Variants in KLHL1 observed in about 807,000 individuals in gnomAD.
The protein encoded by KLHL1 is kelch like family member 1, also known as kelch-like protein 1.
In KLHL1, 47 loss-of-function variants were observed where a neutral mutation model predicts 77.7. The ratio of observed to expected loss-of-function variants is 0.60; its 90% CI spans 0.48 to 0.77. The LOEUF (loss-of-function observed/expected upper bound fraction) is 0.77, where lower values mean the gene tolerates loss of function less well. Among genes scored for constraint, KLHL1 ranks in the 30% least tolerant of loss-of-function variants. The pLI, the probability that KLHL1 is intolerant of heterozygous loss-of-function variation, is 0.00. For missense variants in KLHL1, 925 were observed against 910.8 expected, an observed-to-expected ratio of 1.02 and a Z score of -0.20; for synonymous variants, 360 against 325.2, an observed-to-expected ratio of 1.11 and a Z score of -1.15.
chr13:69,739,602 G>T (rs1048907512), intron 8 of KLHL1, among the ~76,000 whole-genome samples: 1 of 152,170 alleles, frequency 6.6e-6, no homozygotes, highest in South Asian at 2.1e-4. Flanking sequence ...TGCAATCCTA[G>T]TTTCTGACAA....
At chr13:69,916,690 T>C (rs1192085452) in intron 4 of KLHL1, among the ~76,000 whole-genome samples, 1 of 151,916 alleles carries the variant, frequency 6.6e-6, no homozygotes. Flanking sequence ...TGTATACGTA[T>C]GTAACAAACC....
At chr13:69,865,423 CAT>C (rs1463753448) in intron 5 of KLHL1, among the ~76,000 whole-genome samples, 2 of 152,114 alleles carry the variant, frequency 1.3e-5, no homozygotes, top group Non-Finnish European at 2.9e-5. Context: ...CTAAGAATAA[CAT>C]ATATGATTCT....
intron 5 of KLHL1, among the ~76,000 whole-genome samples, chr13:69,841,998 G>A (rs12857338): frequency 0.13 from 19,701 of 151,814 alleles, 1,456 homozygotes; most frequent in African/African-American, 0.17. Flanking sequence ...GCAGAAGAAT[G>A]AAACTAGACT....
At chr13:69,983,576 C>CAAAAAAAAAAAAAAAAAAAAAAAA (rs1282357751) in intron 1 of KLHL1, among the ~76,000 whole-genome samples, 2 of 40,778 alleles carry the variant, frequency 4.9e-5, no homozygotes, top group African/African-American at 2.3e-4. Flanking sequence ...CCTATCTTTA[C>CAAAAAAAAAAAAAAAAAAAAAAAA]AAAAAAAAAA....
rs188156926 is a variant in KLHL1 at position 69,832,982 on chromosome 13, G to A, written c.1414+5994C>T. On this transcript the variant is annotated intron_variant, in intron 6 of 10. Transcript: ENST00000377844. ...TGAATCAAAGACTTAAATCTAAGACGTAAAGTCACTAAAAATGTAGAAGAT... is the reference window on the plus strand; with the variant it reads ...TGAATCAAAGACTTAAATCTAAGACATAAAGTCACTAAAAATGTAGAAGAT... Among the ~76,000 whole-genome samples, 194 of 152,136 alleles carry A rather than the reference G, an allele frequency of 1.3e-3. 1 individual carries two copies. Among genetic ancestry groups the A allele is most frequent in the East Asian group, 6.0e-3 (31 of 5,174 alleles).
At chr13:69,992,518 G>A (rs1236891912) in intron 1 of KLHL1, among the ~76,000 whole-genome samples, 1 of 152,006 alleles carries the variant, frequency 6.6e-6, no homozygotes, top group Non-Finnish European at 1.5e-5. Flanking sequence ...TAAGCGGATG[G>A]TTGATGTTAC....
intron 7 of KLHL1, among the ~76,000 whole-genome samples, chr13:69,779,025 C>T (rs1011990748): frequency 1.4e-4 from 21 of 151,986 alleles, no homozygotes; most frequent in African/African-American, 3.9e-4. Flanking sequence ...GTCTCCATCT[C>T]CTGACCTCAT....
chr13:70,090,598 C>T (rs949904931), intron 1 of KLHL1, among the ~76,000 whole-genome samples: 22 of 151,960 alleles, frequency 1.4e-4, no homozygotes, highest in African/African-American at 5.1e-4. Flanking sequence ...ATCCTTTTCT[C>T]ACGATGATAT....
intron 1 of KLHL1, among the ~76,000 whole-genome samples, chr13:70,103,247 T>C (rs1434048958): frequency 6.6e-6 from 1 of 152,060 alleles, no homozygotes; most frequent in Non-Finnish European, 1.5e-5. Flanking sequence ...TGAAAAATTA[T>C]AGGGAAGGAT....
At chr13:69,833,269 A>G (rs1878835587) in intron 6 of KLHL1, among the ~76,000 whole-genome samples, 1 of 152,104 alleles carries the variant, frequency 6.6e-6, no homozygotes, top group Non-Finnish European at 1.5e-5. Context: ...AGAAACAATA[A>G]ATAATCCCAT....
At chr13:69,991,463 C>A (rs1885027131) in intron 1 of KLHL1, among the ~76,000 whole-genome samples, 1 of 151,638 alleles carries the variant, frequency 6.6e-6, no homozygotes, top group African/African-American at 2.4e-5. Flanking sequence ...GAGAGAAGAT[C>A]CAAATAAACA....
At chr13:70,029,507 T>C (rs1241755327) in intron 1 of KLHL1, among the ~76,000 whole-genome samples, 1 of 152,096 alleles carries the variant, frequency 6.6e-6, no homozygotes, top group Non-Finnish European at 1.5e-5. Context: ...CAAACTAAGC[T>C]TCATCAGTGA....
chr13:69,779,768 GTTTTA>G (rs1876038231), intron 7 of KLHL1, among the ~76,000 whole-genome samples: 1 of 151,578 alleles, frequency 6.6e-6, no homozygotes, highest in Non-Finnish European at 1.5e-5. Flanking sequence ...CCAAAAACTT[GTTTTA>G]TTTCCTATGC....
At chr13:69,794,179 A>C (rs541025949) in intron 7 of KLHL1, among the ~76,000 whole-genome samples, 1 of 152,326 alleles carries the variant, frequency 6.6e-6, no homozygotes, top group African/African-American at 2.4e-5. Flanking sequence ...AATGGAAGTA[A>C]ATAGATGCAA....
At chr13:69,796,529 T>C (rs538787453) in intron 7 of KLHL1, among the ~76,000 whole-genome samples, 1 of 152,268 alleles carries the variant, frequency 6.6e-6, no homozygotes, top group African/African-American at 2.4e-5. Flanking sequence ...CTGTCATGAG[T>C]GGAAACTTGG....
intron 6 of KLHL1, among the ~76,000 whole-genome samples, chr13:69,813,283 T>C (rs1017145015): frequency 1.3e-5 from 2 of 151,054 alleles, no homozygotes; most frequent in African/African-American, 4.9e-5. Context: ...ATGAGAACAC[T>C]TGGACACAGG....
intron 5 of KLHL1, among the ~76,000 whole-genome samples, chr13:69,868,649 T>G (rs977078394): frequency 6.6e-6 from 1 of 152,180 alleles, no homozygotes; most frequent in African/African-American, 2.4e-5. Context: ...TTATTTATTT[T>G]GTGAGTATCA....
chr13:69,789,881 G>A (rs1566256979), intron 7 of KLHL1, among the ~76,000 whole-genome samples: 2 of 152,134 alleles, frequency 1.3e-5, no homozygotes, highest in Admixed American at 6.6e-5. Flanking sequence ...GCAACATTAA[G>A]TAAGTTTGGA....
At chr13:69,780,733 CAT>C (rs1217018845) in intron 7 of KLHL1, among the ~76,000 whole-genome samples, 56 of 42,096 alleles carry the variant, frequency 1.3e-3, no homozygotes, top group Admixed American at 5.6e-3. Context: ...TATATATATA[CAT>C]ATATATATAC....
Sources: gnomAD v4.1 joint callset for allele counts (sites outside exome capture counted in the v4.1 genomes callset) on GRCh38, gnomAD v4.1.1 for gene constraint, MANE v1.5 for transcripts, NCBI Gene and HGNC (gene_info 2026-07-23, HGNC 2026-07-21) for gene names.